The following MAP3K13 variants were observed in gnomAD, a reference collection of about 807,000 sequenced individuals.
The protein encoded by MAP3K13 is mitogen-activated protein kinase kinase kinase 13.
MAP3K13 carries 52 observed loss-of-function variants against 104.0 expected under a neutral mutation model. The observed-to-expected ratio is 0.50, with a 90% CI of 0.40 to 0.63. The LOEUF (loss-of-function observed/expected upper bound fraction) is 0.63, where lower values mean the gene tolerates loss of function less well. MAP3K13 is among the 20% of genes least tolerant of loss of function. MAP3K13 has a pLI of 0.00. For missense variants in MAP3K13, 914 were observed against 1,218.5 expected (o/e 0.75, Z 3.72); for synonymous variants, 394 against 442.2 (o/e 0.89, Z 1.37).
rs189689287 is a variant in MAP3K13 at position 185,472,463 on chromosome 3, G to A, written c.1644-512G>A. 1.9e-3 allele frequency among the ~76,000 whole-genome samples: 286 copies of A among 151,974 alleles called. 2 individuals carry two copies. The highest frequency in any genetic ancestry group is 6.8e-3 in the Middle Eastern group (2 of 294). ...CTTGACCTCGTGATCCACCCTCCTT[G>A]GCCTCCCAAAGTGCTGGGATTACAG... On this transcript the variant is annotated intron_variant, in intron 10 of 13. Coordinates refer to ENST00000265026, the MANE Select transcript of MAP3K13 (RefSeq NM_004721.5).
chr3:185,337,518 T>TTA (rs2108715655), intron 2 of MAP3K13, among the ~76,000 whole-genome samples: 1 of 152,304 alleles, frequency 6.6e-6, no homozygotes, highest in African/African-American at 2.4e-5. Context: ...CCAACGCAGA[T>TTA]GATAATGAAA....
chr3:185,448,161 G>A, intron 5 of MAP3K13: 1 of 695,902 alleles, frequency 1.4e-6, no homozygotes, highest in East Asian at 2.6e-5. Context: ...TACTCAGTAA[G>A]TCACCAGTTT....
intron 2 of MAP3K13, among the ~76,000 whole-genome samples, chr3:185,432,185 C>CA (rs1714778940): frequency 1.1e-5 from 1 of 90,112 alleles, no homozygotes; most frequent in African/African-American, 4.3e-5. Flanking sequence ...TTTCTAATTG[C>CA]TTTTTTTTTT....
At chr3:185,459,577 G>A (rs1420815524) in intron 7 of MAP3K13, among the ~76,000 whole-genome samples, 4 of 151,818 alleles carry the variant, frequency 2.6e-5, no homozygotes, top group Admixed American at 2.0e-4. Context: ...AGCCTCCCAC[G>A]TAGCTGGGAC....
At chr3:185,405,674 C>G (rs1274850435) in intron 1 of MAP3K13, among the ~76,000 whole-genome samples, 5 of 152,188 alleles carry the variant, frequency 3.3e-5, no homozygotes, top group African/African-American at 1.2e-4. Context: ...CTTTCTTGCT[C>G]AAATGTCTCT....
chr3:185,417,192 C>G (rs944019122), intron 1 of MAP3K13, among the ~76,000 whole-genome samples: 1 of 152,096 alleles, frequency 6.6e-6, no homozygotes, highest in African/African-American at 2.4e-5. Context: ...CTGTAATCTT[C>G]CTTTTTAAAA....
At chr3:185,451,444 C>G (rs369286096) in intron 7 of MAP3K13, 49 bp downstream of exon 7, 9 of 1,217,832 alleles carry the variant, frequency 7.4e-6, no homozygotes, top group Non-Finnish European at 1.1e-5. Flanking sequence ...ATAGAGAACT[C>G]TCAATGAAAC....
At chr3:185,451,602 C>A (rs1283122406) in intron 7 of MAP3K13, 4 of 414,720 alleles carry the variant, frequency 9.6e-6, no homozygotes, top group Non-Finnish European at 1.7e-5. Context: ...TTTGAAAAAA[C>A]ACGTGTTGGC....
chr3:185,425,789 A>G (rs909749094), intron 1 of MAP3K13, among the ~76,000 whole-genome samples: 1 of 151,988 alleles, frequency 6.6e-6, no homozygotes, highest in African/African-American at 2.4e-5. Flanking sequence ...CCATTAATTC[A>G]CCCCTCAAGA....
upstream of MAP3K13, among the ~76,000 whole-genome samples, chr3:185,358,307 C>T (rs950108008): frequency 5.3e-5 from 8 of 152,136 alleles, no homozygotes; most frequent in African/African-American, 1.9e-4. Context: ...AATAATTCTT[C>T]AAGAACAGAA....
intron 8 of MAP3K13, among the ~76,000 whole-genome samples, chr3:185,464,881 G>A (rs148361635): frequency 3.3e-5 from 5 of 152,292 alleles, no homozygotes; most frequent in East Asian, 1.9e-4. Flanking sequence ...TCCTCACACC[G>A]AAGAAGGGCA....
chr3:185,405,064 A>G (rs540096209), intron 1 of MAP3K13, among the ~76,000 whole-genome samples: 3 of 152,158 alleles, frequency 2.0e-5, no homozygotes, highest in African/African-American at 7.2e-5. Context: ...AGTACATTGA[A>G]TATTTCTTGT....
chr3:185,480,956 C>T (rs956661552), intron 13 of MAP3K13, among the ~76,000 whole-genome samples: 1 of 152,222 alleles, frequency 6.6e-6, no homozygotes, highest in Admixed American at 6.5e-5. Context: ...AGGTGCCTCC[C>T]CCAACATTGG....
Position 185,455,501 on chromosome 3 carries a change from A to ATATATAT in MAP3K13, c.1278+4106_1278+4107insTATATAT, listed in dbSNP as rs1716520863. ...ATGATATATATGAGATATATACATG[A>ATATATAT]GATATATATGAGATATATATGATAT... On this transcript the variant is annotated intron_variant, in intron 7 of 13. Transcript: ENST00000265026. Among the ~76,000 whole-genome samples, 6 of 46,636 alleles carry ATATATAT rather than the reference A, an allele frequency of 1.3e-4. No individual in the cohort carries two copies. In the East Asian group the frequency reaches 1.8e-3, roughly 14 times the overall value. 30.6% of individuals were successfully genotyped at this position (46,636 alleles called of 152,430 possible).
At chr3:185,298,155 A>C (rs934276970) in intron 2 of MAP3K13, among the ~76,000 whole-genome samples, 9 of 152,204 alleles carry the variant, frequency 5.9e-5, no homozygotes, top group African/African-American at 1.4e-4. Context: ...CCACTTGCAA[A>C]ATGTGCTAGT....
intron 2 of MAP3K13, among the ~76,000 whole-genome samples, chr3:185,316,838 G>C (rs1271047609): frequency 6.6e-6 from 1 of 152,076 alleles, no homozygotes; most frequent in Non-Finnish European, 1.5e-5. Context: ...ATCCTAAATT[G>C]GAGACGATAG....
rs67380961 is a variant in MAP3K13 at position 185,354,608 on chromosome 3, TGG to T, written c.-86+68974_-86+68975del. ...AACAACACTGGGACTGTTATAAGTA[TGG>T]GGGGGGGGCAGGGTACTAAATGTGT... On this transcript the variant is annotated intron_variant, in intron 2 of 14. Coordinates refer to the MAP3K13 transcript ENST00000424227. Among the ~76,000 whole-genome samples, 630 of 146,440 alleles carry T rather than the reference TGG, an allele frequency of 4.3e-3. 4 individuals are homozygous for T. The highest frequency in any genetic ancestry group is 0.014 in the African/African-American group (540 of 38,556).
chr3:185,482,811 C>CA lies in MAP3K13; in HGVS notation c.*366dup, dbSNP rs3834186. The CA allele has an allele frequency of 0.16, 29,524 of 190,348 alleles. 1,383 individuals carry two copies. The highest frequency in any genetic ancestry group is 0.38 in the East Asian group (5,358 of 14,066). 11.8% of individuals were successfully genotyped at this position (190,348 alleles called of 1,614,324 possible). A position where few individuals can be genotyped will look rare whatever the true frequency, so the allele number is the denominator to read the frequency against. ...GAGATAGAGAGACAATAATTTCTTG[C>CA]AAAAAAAAAAAGAGATAAAAGAAAG... is the stretch of plus-strand genomic sequence containing the variant. On this transcript the variant is annotated 3_prime_UTR_variant, in exon 14 of 14. Transcript: ENST00000265026. The surrounding 1 kb of genome is among the most constrained non-coding windows in gnomAD (Gnocchi z 4.5).
At chr3:185,289,553 T>C (rs1157999327) in intron 2 of MAP3K13, among the ~76,000 whole-genome samples, 1 of 152,150 alleles carries the variant, frequency 6.6e-6, no homozygotes, top group African/African-American at 2.4e-5. Context: ...TTTACTTTTA[T>C]TTTAGACACA....
Sources: allele counts gnomAD v4.1 joint callset (sites outside exome capture counted in the v4.1 genomes callset), GRCh38; gene constraint gnomAD v4.1.1; non-coding constraint Gnocchi (gnomAD v3.1); transcripts MANE v1.5; gene names NCBI Gene and HGNC (gene_info 2026-07-23, HGNC 2026-07-21).